Variants in ZCWPW2 observed in about 807,000 individuals in gnomAD.
The protein encoded by ZCWPW2 is zinc finger CW-type PWWP domain protein 2.
In ZCWPW2, 45 loss-of-function variants were observed where a neutral mutation model predicts 46.6. The observed-to-expected ratio is 0.96, with a 90% CI of 0.76 to 1.24. The LOEUF (loss-of-function observed/expected upper bound fraction) is 1.24. Ranked by LOEUF, ZCWPW2 falls within the 50% of genes most tolerant of loss-of-function variation. The probability of loss-of-function intolerance (pLI) is 0.00; values close to 1 mark genes in which losing one functional copy is unlikely to be tolerated. For synonymous variants in ZCWPW2, 152 were observed against 137.1 expected (o/e 1.11, Z -0.76); for missense variants, 429 against 403.9 (o/e 1.06, Z -0.53).
chr3:28,471,771 A>T (rs1313699250), intron 4 of ZCWPW2, among the ~76,000 whole-genome samples: 1 of 152,154 alleles, frequency 6.6e-6, no homozygotes, highest in Admixed American at 6.5e-5. Flanking sequence ...CCAAATTGGA[A>T]AGGAAGAAGT....
chr3:28,364,561 A>G (rs2125696008), intron 1 of ZCWPW2, among the ~76,000 whole-genome samples: 1 of 152,258 alleles, frequency 6.6e-6, no homozygotes, highest in East Asian at 1.9e-4. Flanking sequence ...ATTACTTTAC[A>G]TTCCCACCAA....
At chr3:28,453,339 T>C (rs906931104) in intron 4 of ZCWPW2, among the ~76,000 whole-genome samples, 1 of 152,226 alleles carries the variant, frequency 6.6e-6, no homozygotes, top group Admixed American at 6.5e-5. Context: ...TGAATTTAGA[T>C]AGCTGTGAAC....
At chr3:28,396,622 A>G (rs1352621520) in intron 2 of ZCWPW2, among the ~76,000 whole-genome samples, 1 of 152,148 alleles carries the variant, frequency 6.6e-6, no homozygotes, top group African/African-American at 2.4e-5. Flanking sequence ...GTTTTTCTCA[A>G]ACCCAGGAGA....
chr3:28,378,163 G>T (rs1174437938), intron 1 of ZCWPW2, among the ~76,000 whole-genome samples: 2 of 151,914 alleles, frequency 1.3e-5, no homozygotes, highest in Admixed American at 6.6e-5. Flanking sequence ...ATTTTTGTAG[G>T]ATCATTAAGT....
intron 4 of ZCWPW2, chr3:28,461,871 G>C (rs1698651506): frequency 1.3e-5 from 2 of 152,170 alleles, no homozygotes; most frequent in Admixed American, 1.3e-4. Flanking sequence ...AGAATACCAA[G>C]GGGTGGGAAG....
intron 6 of ZCWPW2, among the ~76,000 whole-genome samples, chr3:28,496,446 A>C (rs191929911): frequency 1.2e-3 from 179 of 152,190 alleles, no homozygotes; most frequent in Non-Finnish European, 4.9e-4. Context: ...TTTATAAAGA[A>C]GGTCATTTGT....
At position 28,413,408 on chromosome 3, in the gene ZCWPW2, T is replaced by G. The variant is rs1194340083; in HGVS notation, c.332+8T>G. 6.3e-7 allele frequency: 1 copy of G among 1,589,288 alleles called. No individual in the cohort carries two copies. The highest frequency in any genetic ancestry group is 1.3e-5 in the African/African-American group (1 of 74,104). ...ATTACAGAATTGGCCAAGGTAAGGT[T>G]TGTGTAGTTTTATGACTTTTGAAAT... On this transcript the variant is annotated splice_region_variant and intron_variant, in intron 3 of 9. Transcript: ENST00000383768.
chr3:28,445,617 A>G (rs1260076335), intron 4 of ZCWPW2, among the ~76,000 whole-genome samples: 1 of 152,142 alleles, frequency 6.6e-6, no homozygotes, highest in Non-Finnish European at 1.5e-5. Flanking sequence ...AGAAGCCAGT[A>G]AGGCAAGAAA....
rs1398514892 is a variant in ZCWPW2 at position 28,524,574 on chromosome 3, C to A, written c.957C>A (p.Asn319Lys). 6.2e-7 allele frequency: 1 copy of A among 1,608,612 alleles called. No individual in the cohort carries two copies. Among genetic ancestry groups the A allele is most frequent in the African/African-American group, 1.3e-5 (1 of 74,790 alleles). Reference protein sequence around the residue: ...PEAPAGSLFENHYEEDYLVID... With the variant: ...PEAPAGSLFEKHYEEDYLVID... ...CTCCTGCAGGCAGTCTGTTTGAAAA[C>A]CACTATGAAGAGGACTATCTTGTAA... Residue 319 changes from asparagine to lysine, a missense_variant, in exon 10 of 10, where the codon AAC becomes AAA. Coordinates refer to ENST00000383768, the MANE Select transcript of ZCWPW2 (RefSeq NM_001040432.4).
In ZCWPW2 at chr3:28,372,133, CT is replaced by C. The variant is rs906380640; in HGVS notation, c.-133-18362del. 1.1e-3 allele frequency among the ~76,000 whole-genome samples: 165 copies of C among 151,904 alleles called. 1 individual carries two copies. Among genetic ancestry groups the C allele is most frequent in the African/African-American group, 3.7e-3 (152 of 41,326 alleles). On this transcript the variant is annotated intron_variant, in intron 1 of 9. Coordinates refer to ENST00000383768, the MANE Select transcript of ZCWPW2 (RefSeq NM_001040432.4). ...TTGTTCTTGGCAGAATGGTTCCATA[CT>C]TTAATTACCTTGCTAAAATTCATAC...
intron 1 of ZCWPW2, among the ~76,000 whole-genome samples, chr3:28,378,340 G>C (rs1452887659): frequency 2.6e-5 from 4 of 151,838 alleles, no homozygotes; most frequent in Non-Finnish European, 1.5e-5. Context: ...AGACAAAGTA[G>C]AGTGCTCTCA....
chr3:28,376,612 T>C (rs1478714666), intron 1 of ZCWPW2, among the ~76,000 whole-genome samples: 1 of 152,162 alleles, frequency 6.6e-6, no homozygotes, highest in African/African-American at 2.4e-5. Context: ...TTTTCACTTC[T>C]CTTTGGACAC....
At position 28,426,989 on chromosome 3, in the gene ZCWPW2, G is replaced by T. The variant is rs570887159; in HGVS notation, c.333-8121G>T. ...CTTCCTGATACATTTGCATTCCCTT[G>T]AGCCTACTTGTCCTGCCAAAATTTG... On this transcript the variant is annotated intron_variant, in intron 3 of 9. Transcript: ENST00000383768. Among the ~76,000 whole-genome samples the T allele has an allele frequency of 8.0e-4, 122 of 152,250 alleles. 1 individual carries two copies. The highest frequency in any genetic ancestry group is 2.9e-3 in the African/African-American group (120 of 41,542).
chr3:28,501,393 C>T (rs1700138498), intron 6 of ZCWPW2, among the ~76,000 whole-genome samples: 1 of 152,074 alleles, frequency 6.6e-6, no homozygotes, highest in Admixed American at 6.6e-5. Flanking sequence ...AGGCTTATGT[C>T]TCAGTTCAGT....
At chr3:28,439,339 G>A (rs1252299500) in intron 4 of ZCWPW2, among the ~76,000 whole-genome samples, 1 of 151,938 alleles carries the variant, frequency 6.6e-6, no homozygotes, top group Admixed American at 6.6e-5. Flanking sequence ...TGTAGGCTGG[G>A]AGGCTAGGCC....
At chr3:28,412,284 A>G (rs1341417782) in intron 2 of ZCWPW2, among the ~76,000 whole-genome samples, 1 of 151,818 alleles carries the variant, frequency 6.6e-6, no homozygotes, top group Non-Finnish European at 1.5e-5. Context: ...CACAATTCAA[A>G]CTTTTTATAT....
chr3:28,474,704 T>C (rs1699170673), intron 4 of ZCWPW2, among the ~76,000 whole-genome samples: 1 of 152,140 alleles, frequency 6.6e-6, no homozygotes, highest in South Asian at 2.1e-4. Flanking sequence ...TTTTCTGTCC[T>C]GAATTTTCAT....
At chr3:28,524,065 A>C (rs1421039922) in intron 9 of ZCWPW2, among the ~76,000 whole-genome samples, 3 of 152,056 alleles carry the variant, frequency 2.0e-5, no homozygotes, top group African/African-American at 4.8e-5. Context: ...TTATAAATCA[A>C]ATAAATCCAC....
chr3:28,448,867 A>AATG (rs199694064), intron 4 of ZCWPW2, among the ~76,000 whole-genome samples: 2,697 of 145,928 alleles, frequency 0.018, 36 homozygotes, highest in Middle Eastern at 0.029. Flanking sequence ...GTACAGAGTC[A>AATG]ATGCAATCCC....
Sources: gnomAD v4.1 joint callset for allele counts (sites outside exome capture counted in the v4.1 genomes callset) on GRCh38, gnomAD v4.1.1 for gene constraint, MANE v1.5 for transcripts, NCBI Gene and HGNC (gene_info 2026-07-23, HGNC 2026-07-21) for gene names.